The following MEGF6 variants were observed in gnomAD, a reference collection of about 807,000 sequenced individuals.
MEGF6 encodes multiple EGF like domains 6.
In MEGF6, 184 loss-of-function variants were observed where a neutral mutation model predicts 207.1. That is an observed-to-expected ratio of 0.89 (90% CI 0.79 to 1.00). The LOEUF (loss-of-function observed/expected upper bound fraction) is 1.00, where lower values mean the gene tolerates loss of function less well. Ranked by LOEUF, MEGF6 falls within the 50% of genes least tolerant of loss-of-function variation. MEGF6 has a pLI of 0.00. For missense variants in MEGF6, 2,282 were observed against 2,202.9 expected, an observed-to-expected ratio of 1.04 and a Z score of -0.72; for synonymous variants, 1,038 against 910.0, an observed-to-expected ratio of 1.14 and a Z score of -2.53.
intron 4 of MEGF6, among the ~76,000 whole-genome samples, chr1:3,559,543 A>AC (rs1046262301): frequency 1.3e-5 from 2 of 150,916 alleles, no homozygotes; most frequent in African/African-American, 2.4e-5. Flanking sequence ...AAAAAAAAAA[A>AC]AAAAGAAGAA....
At chr1:3,498,861 C>A (rs1414867933) in intron 24 of MEGF6, 35 bp from the exon 25 acceptor site, 1 of 1,543,310 alleles carries the variant, frequency 6.5e-7, no homozygotes. Flanking sequence ...CCTGCATCCC[C>A]CAGCCAGCTG....
At chr1:3,510,122 A>C (rs1044227075) in intron 10 of MEGF6, 130 bp from the exon 11 acceptor site, 3 of 1,258,908 alleles carry the variant, frequency 2.4e-6, no homozygotes, top group Middle Eastern at 2.3e-4. Context: ...CATCTCTTCA[A>C]CCAGCCAGTA....
At chr1:3,591,357 G>C (rs1303445539) in intron 3 of MEGF6, among the ~76,000 whole-genome samples, 1 of 152,194 alleles carries the variant, frequency 6.6e-6, no homozygotes, top group Non-Finnish European at 1.5e-5. Flanking sequence ...CCTTGGCCAA[G>C]GGATGCCAAG....
chr1:3,601,699 C>T (rs770729754), intron 2 of MEGF6, among the ~76,000 whole-genome samples: 8 of 152,220 alleles, frequency 5.3e-5, no homozygotes, highest in African/African-American at 1.7e-4. Flanking sequence ...TATTGCTTAA[C>T]GGTTTTTTTC....
intron 35 of MEGF6, among the ~76,000 whole-genome samples, chr1:3,491,809 G>A (rs1477687925): frequency 6.6e-6 from 1 of 151,004 alleles, no homozygotes; most frequent in Non-Finnish European, 1.5e-5. Context: ...AGTCTGGGCT[G>A]GCCAGAGGGG....
chr1:3,521,809 G>T (rs1271487517), intron 5 of MEGF6, among the ~76,000 whole-genome samples: 1 of 152,208 alleles, frequency 6.6e-6, no homozygotes, highest in Non-Finnish European at 1.5e-5. Context: ...GCACACAGAG[G>T]CCACCATGGG....
chr1:3,531,510 G>A, intron 4 of MEGF6: 2 of 1,038,646 alleles, frequency 1.9e-6, no homozygotes, highest in Non-Finnish European at 2.3e-6. Flanking sequence ...AGCCGCCCCC[G>A]GCCCCGCCCC....
At chr1:3,568,065 C>T (rs561420406) in intron 4 of MEGF6, among the ~76,000 whole-genome samples, 34 of 152,282 alleles carry the variant, frequency 2.2e-4, no homozygotes, top group African/African-American at 7.5e-4. Flanking sequence ...AGAGGCCTGG[C>T]GTGCAGGATC....
chr1:3,544,227 C>A (rs1339114244), intron 4 of MEGF6, among the ~76,000 whole-genome samples: 1 of 150,822 alleles, frequency 6.6e-6, no homozygotes, highest in Non-Finnish European at 1.5e-5. Flanking sequence ...TCAGGCTAAC[C>A]CTCTCCCCCC....
chr1:3,592,187 C>T (rs1570217380), intron 3 of MEGF6, among the ~76,000 whole-genome samples: 2 of 152,204 alleles, frequency 1.3e-5, no homozygotes, highest in Admixed American at 1.3e-4. Flanking sequence ...GGCACGGTGC[C>T]CCCAGGCCTG....
At chr1:3,576,123 C>T (rs576069106) in intron 4 of MEGF6, among the ~76,000 whole-genome samples, 52 of 152,266 alleles carry the variant, frequency 3.4e-4, no homozygotes, top group Non-Finnish European at 3.4e-4. Context: ...ACTGTGACTG[C>T]GCCGAGGCCT....
At chr1:3,590,616 A>G (rs1643961072) in intron 3 of MEGF6, among the ~76,000 whole-genome samples, 1 of 152,204 alleles carries the variant, frequency 6.6e-6, no homozygotes, top group African/African-American at 2.4e-5. Context: ...CAGGGCTCCC[A>G]GGCCCTGACA....
At position 3,611,139 on chromosome 1, in the gene MEGF6, T is replaced by C; in HGVS notation, c.130A>G (p.Met44Val). The C allele has an allele frequency of 6.6e-7, 1 of 1,514,056 alleles. No homozygotes were observed. The highest frequency in any genetic ancestry group is 8.8e-7 in the Non-Finnish European group (1 of 1,139,788). The allele number at this position is 1,514,056 out of a possible 1,614,324, so 93.8% of individuals were successfully genotyped here. ...PRPLLPLQPG[M>V]PHVCAEQELT... ...GCCCTCCCAGCTCCTGCTACTCACATGCCGGGCTGCAGCGGGAGCAGGGGC... is the reference window on the plus strand; with the variant it reads ...GCCCTCCCAGCTCCTGCTACTCACACGCCGGGCTGCAGCGGGAGCAGGGGC... Residue 44 changes from methionine (M) to valine (V), a missense_variant and splice_region_variant, in exon 1 of 37, where the codon ATG becomes GTG. By Grantham distance (21) the Met-to-Val change is conservative. Coordinates refer to ENST00000356575, the MANE Select transcript of MEGF6 (RefSeq NM_001409.4).
At chr1:3,536,494 G>A (rs978864675) in intron 4 of MEGF6, among the ~76,000 whole-genome samples, 12 of 152,148 alleles carry the variant, frequency 7.9e-5, no homozygotes, top group African/African-American at 2.7e-4. Flanking sequence ...GGGCGTGGCC[G>A]TGGGGGGCAG....
intron 3 of MEGF6, among the ~76,000 whole-genome samples, chr1:3,580,441 G>A (rs368421156): frequency 2.7e-4 from 41 of 152,340 alleles, no homozygotes; most frequent in South Asian, 6.2e-4. Context: ...GAAAGGTCCC[G>A]GCAGGTGGGG....
upstream of MEGF6, among the ~76,000 whole-genome samples, chr1:3,612,975 G>A (rs1254253593): frequency 2.6e-5 from 4 of 152,180 alleles, no homozygotes; most frequent in Non-Finnish European, 4.4e-5. Context: ...GCAGATCCGG[G>A]AACTGAACAT....
At chr1:3,499,964 C>T (rs1327171870) in intron 21 of MEGF6, 40 bp from the exon 22 acceptor site, 3 of 1,523,902 alleles carry the variant, frequency 2.0e-6, no homozygotes, top group Non-Finnish European at 1.8e-6. Context: ...GCCAGAGGGC[C>T]AGGAGCCTGA....
At chr1:3,568,260 G>C (rs1643403412) in intron 4 of MEGF6, among the ~76,000 whole-genome samples, 1 of 152,262 alleles carries the variant, frequency 6.6e-6, no homozygotes, top group Non-Finnish European at 1.5e-5. Context: ...TAGACACACT[G>C]GGCCTTAGCC....
intron 4 of MEGF6, among the ~76,000 whole-genome samples, chr1:3,536,991 C>T (rs1276180775): frequency 6.6e-6 from 1 of 152,280 alleles, no homozygotes; most frequent in Non-Finnish European, 1.5e-5. Context: ...ACACGTGCCT[C>T]TACCTCCCTG....
Sources: gnomAD v4.1 joint callset for allele counts (sites outside exome capture counted in the v4.1 genomes callset) on GRCh38, gnomAD v4.1.1 for gene constraint, MANE v1.5 for transcripts, NCBI Gene and HGNC (gene_info 2026-07-23, HGNC 2026-07-21) for gene names.